COA1: variants seen among roughly 807,000 people sequenced by gnomAD.
The protein encoded by COA1 is cytochrome c oxidase assembly factor 1 homolog.
A neutral mutation model predicts 16.0 loss-of-function variants in COA1; 13 were observed. The observed-to-expected ratio is 0.81, with a 90% CI of 0.53 to 1.29. COA1 has a LOEUF of 1.29. COA1 is among the 50% of genes most tolerant of loss of function. The pLI, the probability that COA1 is intolerant of heterozygous loss-of-function variation, is 0.00. For synonymous variants in COA1, 65 were observed against 65.7 expected (o/e 0.99, Z 0.05); for missense variants, 179 against 177.0 (o/e 1.01, Z -0.06).
At chr7:43,648,772 T>A in intron 1 of COA1, 120 bp from the exon 2 acceptor site, 1 of 717,056 alleles carries the variant, frequency 1.4e-6, no homozygotes, top group Non-Finnish European at 2.3e-6. Context: ...AAGTTAAAAT[T>A]AAACTCTAAA....
intron 1 of COA1, among the ~76,000 whole-genome samples, chr7:43,694,549 T>C (rs2131146150): frequency 6.6e-6 from 1 of 152,302 alleles, no homozygotes; most frequent in African/African-American, 2.4e-5. Flanking sequence ...AGCTGAGCAG[T>C]CCTTTCTTTG....
downstream of COA1, among the ~76,000 whole-genome samples, chr7:43,636,690 T>C (rs1420763705): frequency 6.6e-6 from 1 of 152,204 alleles, no homozygotes; most frequent in Non-Finnish European, 1.5e-5. Flanking sequence ...CAATAAAACC[T>C]TATCAGGTAT....
At chr7:43,693,145 C>T (rs2094429002) in intron 1 of COA1, among the ~76,000 whole-genome samples, 1 of 152,138 alleles carries the variant, frequency 6.6e-6, no homozygotes, top group Non-Finnish European at 1.5e-5. Context: ...TTCTCTCTTA[C>T]ATCCCTCTTC....
chr7:43,643,574 C>G (rs1339247088), intron 4 of COA1, among the ~76,000 whole-genome samples: 1 of 152,248 alleles, frequency 6.6e-6, no homozygotes, highest in South Asian at 2.1e-4. Context: ...CTTCCACTCA[C>G]GTCCATGCTG....
intron 1 of COA1, among the ~76,000 whole-genome samples, chr7:43,668,757 C>T (rs899349926): frequency 2.6e-5 from 4 of 152,136 alleles, no homozygotes; most frequent in Admixed American, 6.6e-5. Context: ...TGCCCATAAC[C>T]CTGAGGTTTC....
intron 1 of COA1, among the ~76,000 whole-genome samples, chr7:43,675,195 C>T (rs979210792): frequency 1.3e-5 from 2 of 152,008 alleles, no homozygotes; most frequent in Non-Finnish European, 2.9e-5. Context: ...TGTCCAACAA[C>T]GATAGACTGG....
At chr7:43,687,801 T>C (rs940152866) in intron 1 of COA1, among the ~76,000 whole-genome samples, 18 of 152,178 alleles carry the variant, frequency 1.2e-4, no homozygotes, top group Non-Finnish European at 1.9e-4. Flanking sequence ...TTCTTTGTAA[T>C]TCAAGAAGGT....
chr7:43,696,709 ATATATATG>A (rs1360184907), intron 1 of COA1, among the ~76,000 whole-genome samples: 22 of 152,282 alleles, frequency 1.4e-4, no homozygotes, highest in African/African-American at 4.6e-4. Context: ...ATGTGTGTGT[ATATATATG>A]TATATATATA....
intron 1 of COA1, among the ~76,000 whole-genome samples, chr7:43,703,396 T>C (rs1486900052): frequency 1.3e-5 from 2 of 152,190 alleles, no homozygotes; most frequent in Non-Finnish European, 1.5e-5. Flanking sequence ...TTTATTAGTT[T>C]TCTGCATTGA....
chr7:43,626,587 G>GTCTCAGT (rs1458427550), intron 6 of COA1: 7 of 152,158 alleles, frequency 4.6e-5, no homozygotes, highest in African/African-American at 1.7e-4. Flanking sequence ...TGAGTCTCAG[G>GTCTCAGT]TAAGTCTTGG....
rs1467957232 is a variant in COA1 at position 43,645,292 on chromosome 7, G to A, written c.223C>T (p.Leu75Phe). Residue 75 changes from leucine to phenylalanine, a missense_variant, in exon 4 of 6, where the codon CTC (leucine) becomes TTC (phenylalanine). By Grantham distance (22) the Leu-to-Phe change is conservative. Transcript: ENST00000223336. ...TCCACGAAGTTTTCCCTGTCGATGA[G>A]CTTGAGATAATGGATGTTGAGAGGA... ...GPPLNIHYLKLIDRENFVDIV... is the reference protein window; with the variant it reads ...GPPLNIHYLKFIDRENFVDIV... The A allele has an allele frequency of 2.5e-6, 4 of 1,614,080 alleles. No individual in the cohort carries two copies. Among genetic ancestry groups the A allele is most frequent in the Non-Finnish European group, 3.4e-6 (4 of 1,179,988 alleles).
At chr7:43,705,048 T>G (rs1392202855) in intron 1 of COA1, among the ~76,000 whole-genome samples, 1 of 152,340 alleles carries the variant, frequency 6.6e-6, no homozygotes, top group South Asian at 2.1e-4. Flanking sequence ...ACTGGCTTCA[T>G]TGTGGATGCT....
At chr7:43,658,356 C>CA (rs1038478468) in intron 1 of COA1, among the ~76,000 whole-genome samples, 41 of 139,116 alleles carry the variant, frequency 2.9e-4, no homozygotes, top group East Asian at 1.3e-3. Context: ...GAGACTGTCT[C>CA]AAAAAAAAAA....
At chr7:43,625,776 A>AGAGAGAGAGAGAGT (rs1491041925) in intron 6 of COA1, 1 of 146,866 alleles carries the variant, frequency 6.8e-6, no homozygotes, top group Non-Finnish European at 1.5e-5. Context: ...AGAGAGAGAG[A>AGAGAGAGAGAGAGT]GTGTCTTCAT....
At chr7:43,663,149 G>C (rs1373178295) in intron 1 of COA1, among the ~76,000 whole-genome samples, 3 of 152,066 alleles carry the variant, frequency 2.0e-5, no homozygotes, top group Non-Finnish European at 4.4e-5. Flanking sequence ...CAAGTATGTG[G>C]CACCTCCTCC....
intron 6 of COA1, chr7:43,632,464 T>A (rs2085275750): frequency 6.6e-6 from 1 of 152,348 alleles, no homozygotes; most frequent in Non-Finnish European, 1.5e-5. Context: ...GTGAATTGAA[T>A]GCTCTTGATG....
At chr7:43,721,423 T>C (rs1181295721) in intron 1 of COA1, among the ~76,000 whole-genome samples, 1 of 152,166 alleles carries the variant, frequency 6.6e-6, no homozygotes, top group Admixed American at 6.5e-5. Context: ...AAGAGATAAC[T>C]AGCCAAATGT....
chr7:43,707,721 ACAG>A (rs2131609883), intron 1 of COA1, among the ~76,000 whole-genome samples: 1 of 152,324 alleles, frequency 6.6e-6, no homozygotes, highest in African/African-American at 2.4e-5. Flanking sequence ...TCATTACAGT[ACAG>A]TAGTCCACGT....
intron 6 of COA1, among the ~76,000 whole-genome samples, chr7:43,628,905 C>T (rs1201856155): frequency 6.6e-6 from 1 of 152,136 alleles, no homozygotes; most frequent in African/African-American, 2.4e-5. Flanking sequence ...ATAGTTAATG[C>T]TTTCTTTGTG....
Sources: allele counts gnomAD v4.1 joint callset (sites outside exome capture counted in the v4.1 genomes callset), GRCh38; gene constraint gnomAD v4.1.1; transcripts MANE v1.5; gene names NCBI Gene and HGNC (gene_info 2026-07-23, HGNC 2026-07-21).